PKHD1L1: variants seen among roughly 807,000 people sequenced by gnomAD.
PKHD1L1 encodes fibrocystin-L.
Under a neutral mutation model 462.9 loss-of-function variants are expected in PKHD1L1, and 434 were observed. That is an observed-to-expected ratio of 0.94 (90% CI 0.87 to 1.02). PKHD1L1 has a LOEUF of 1.02. Among genes scored for constraint, PKHD1L1 ranks in the 50% least tolerant of loss-of-function variants. PKHD1L1 has a pLI of 0.00. For synonymous variants in PKHD1L1, 1,781 were observed against 1,750.0 expected, an observed-to-expected ratio of 1.02 and a Z score of -0.44; for missense variants, 5,202 against 5,096.1, an observed-to-expected ratio of 1.02 and a Z score of -0.63.
intron 76 of PKHD1L1, among the ~76,000 whole-genome samples, chr8:109,523,895 C>T (rs574731801): frequency 1.3e-5 from 2 of 152,278 alleles, no homozygotes; most frequent in African/African-American, 4.8e-5. Flanking sequence ...TCTCTGAGAA[C>T]AGAACAAATG....
In PKHD1L1 at chr8:109,443,755, C is replaced by T. The variant is rs201810418; in HGVS notation, c.4644C>T (p.Thr1548=). Residue 1548 remains threonine, a synonymous_variant, in exon 37 of 78, where the codon ACC becomes ACT. Transcript: ENST00000378402. The part of the protein sequence containing the change: ...ATEPLCSLNN[T]RVKNSKRLLF... ...AACCCCTGTGCAGCCTGAACAATAC[C>T]AGGGTTAAAAATTCAAAAAGATTGC... 1.2e-5 allele frequency: 19 copies of T among 1,613,786 alleles called. No homozygotes were observed. The Admixed American group carries it at 3.2e-4, about 27-fold the overall frequency.
intron 67 of PKHD1L1, among the ~76,000 whole-genome samples, chr8:109,502,497 A>G (rs1361696433): frequency 6.6e-6 from 1 of 152,210 alleles, no homozygotes; most frequent in Non-Finnish European, 1.5e-5. Flanking sequence ...CTCTTCCCAC[A>G]TATCTCCAAC....
chr8:109,460,739 G>A (rs1398473494), intron 47 of PKHD1L1, among the ~76,000 whole-genome samples: 1 of 152,180 alleles, frequency 6.6e-6, no homozygotes, highest in East Asian at 1.9e-4. Context: ...AAATGTCAGT[G>A]ATTTAAAATA....
chr8:109,493,819 A>G, intron 63 of PKHD1L1, 68 bp downstream of exon 63: 1 of 1,083,754 alleles, frequency 9.2e-7, no homozygotes, highest in Non-Finnish European at 1.3e-6. Context: ...AAAATAAATA[A>G]TTATTGTTTG....
chr8:109,476,830 G>A (rs537778619), intron 52 of PKHD1L1, among the ~76,000 whole-genome samples, 163 bp downstream of exon 52: 1 of 152,216 alleles, frequency 6.6e-6, no homozygotes, highest in Admixed American at 6.5e-5. Context: ...TCTTGAAAAG[G>A]TTTTGAGTTG....
At chr8:109,410,855 A>G (rs1478141188) in intron 19 of PKHD1L1, among the ~76,000 whole-genome samples, 1 of 149,452 alleles carries the variant, frequency 6.7e-6, no homozygotes, top group African/African-American at 2.5e-5. Flanking sequence ...CAGTCTCCCG[A>G]GTAGCTTGGA....
At chr8:109,471,653 T>C (rs1331885784) in intron 50 of PKHD1L1, among the ~76,000 whole-genome samples, 1 of 152,184 alleles carries the variant, frequency 6.6e-6, no homozygotes, top group Non-Finnish European at 1.5e-5. Flanking sequence ...ATACCGCCCA[T>C]AGTGCTTCAC....
chr8:109,476,583 G>T lies in PKHD1L1; in HGVS notation c.8833G>T (p.Gly2945Cys). The T allele has an allele frequency of 6.4e-7, 1 of 1,569,044 alleles. No homozygotes were observed. The highest frequency in any genetic ancestry group is 8.7e-7 in the Non-Finnish European group (1 of 1,148,770). ...DMFNIIDMRNGSSNPLNWNTS... is the reference protein window; with the variant it reads ...DMFNIIDMRNCSSNPLNWNTS... ...GTTTAATATTATTGATATGAGGAAT[G>T]GTTCCTCAAATCCATTGAATTGGAA... is the stretch of plus-strand genomic sequence containing the variant. Residue 2945 changes from glycine (G) to cysteine (C), a missense_variant, in exon 52 of 78, where the codon GGT becomes TGT. Around this residue, in one of 3 missense-constraint regions of PKHD1L1, gnomAD observed 4,497 missense variants for 4,336.8 expected, o/e 1.04. Transcript: ENST00000378402.
intron 77 of PKHD1L1, among the ~76,000 whole-genome samples, chr8:109,528,834 TTGAAAG>T (rs759344453): frequency 9.9e-5 from 15 of 152,204 alleles, no homozygotes; most frequent in Non-Finnish European, 5.9e-5. Flanking sequence ...ATTTTAAATC[TTGAAAG>T]TGAAAGTTGC....
intron 3 of PKHD1L1, 52 bp from the exon 4 acceptor site, chr8:109,382,410 CA>C: frequency 1.4e-6 from 2 of 1,452,336 alleles, no homozygotes; most frequent in South Asian, 2.6e-5. Context: ...TAATACTATA[CA>C]CTAAATAAGA....
intron 2 of PKHD1L1, among the ~76,000 whole-genome samples, chr8:109,379,087 C>T (rs1811980879): frequency 6.6e-6 from 1 of 152,116 alleles, no homozygotes; most frequent in South Asian, 2.1e-4. Context: ...CCCTTTCACC[C>T]AGACTAAACA....
intron 10 of PKHD1L1, among the ~76,000 whole-genome samples, chr8:109,395,813 T>C (rs1161596049): frequency 1.3e-5 from 2 of 152,306 alleles, no homozygotes; most frequent in East Asian, 3.9e-4. Context: ...TAAAGCCTGG[T>C]CCTCATGGAA....
intron 29 of PKHD1L1, among the ~76,000 whole-genome samples, chr8:109,435,884 T>G (rs546619017): frequency 5.9e-5 from 9 of 152,384 alleles, no homozygotes; most frequent in East Asian, 1.9e-4. Flanking sequence ...GCTTTTATTT[T>G]ACATTATTTC....
chr8:109,393,947 A>G (rs1203883785), intron 9 of PKHD1L1, among the ~76,000 whole-genome samples: 4 of 151,968 alleles, frequency 2.6e-5, no homozygotes, highest in Non-Finnish European at 2.9e-5. Context: ...GAGGCCGAGG[A>G]TGGATCACGA....
In PKHD1L1 at chr8:109,526,831, G is replaced by C. The variant is rs1391844019; in HGVS notation, c.12532G>C (p.Glu4178Gln). Residue 4178 changes from glutamate to glutamine, a missense_variant, in exon 77 of 78, where the codon GAA (glutamate) becomes CAA (glutamine). By Grantham distance (29) the Glu-to-Gln change is conservative. Around this residue, in one of 3 missense-constraint regions of PKHD1L1, gnomAD observed 698 missense variants for 736.3 expected, o/e 0.95. Transcript: ENST00000378402. ...TATACTGGATAATGTTGTTGGGGTA[G>C]AATCCAGAACTTTCAGCCTGCTGGC... is the stretch of plus-strand genomic sequence containing the variant. ...EFILDNVVGV[E>Q]SRTFSLLAES... The C allele has an allele frequency of 1.9e-6, 3 of 1,575,472 alleles. No homozygotes were observed. The East Asian group carries it at 6.9e-5, about 36-fold the overall frequency.
chr8:109,449,484 A>G lies in PKHD1L1; in HGVS notation c.6172A>G (p.Asn2058Asp), dbSNP rs1189935381. The change falls in exon 40 of 78, where the codon AAT becomes GAT. Residue 2058 changes from asparagine to aspartate, a missense_variant. Asn to Asp is a conservative substitution (Grantham distance 23, BLOSUM62 1). This residue lies in a region of PKHD1L1 where 4,497 missense variants were observed against 4,336.8 expected (regional missense o/e 1.04). Transcript: ENST00000378402. The stretch of plus-strand genomic sequence containing the variant: ...ACTATTATGTGAAATTCCATCTAAT[A>G]ATGGTAAGTTGTCAGAAAAAGTAAT... ...TTLLCEIPSN[N>D]GTGAEQACEV... The G allele has an allele frequency of 1.9e-6, 3 of 1,587,962 alleles. No individual in the cohort carries two copies. Among genetic ancestry groups the G allele is most frequent in the South Asian group, 2.3e-5 (2 of 85,300 alleles).
At chr8:109,504,216 G>A in intron 67 of PKHD1L1, 111 bp from the exon 68 acceptor site, 1 of 631,786 alleles carries the variant, frequency 1.6e-6, no homozygotes, top group Non-Finnish European at 2.5e-6. Flanking sequence ...TCAGGCAAGA[G>A]CTCCATGTTT....
chr8:109,409,782 T>C (rs1813740683), intron 18 of PKHD1L1, 83 bp from the exon 19 acceptor site: 2 of 608,486 alleles, frequency 3.3e-6, no homozygotes, highest in South Asian at 7.1e-5. Flanking sequence ...CTATTAAAAC[T>C]AATTAGTAGA....
At chr8:109,396,819 A>G (rs903736799) in intron 11 of PKHD1L1, among the ~76,000 whole-genome samples, 4 of 152,244 alleles carry the variant, frequency 2.6e-5, no homozygotes, top group African/African-American at 9.6e-5. Context: ...ATGCCTGCCC[A>G]TGCAACAAGG....
Sources: gnomAD v4.1 joint callset for allele counts (sites outside exome capture counted in the v4.1 genomes callset) on GRCh38, gnomAD v4.1.1 for gene constraint, gnomAD v4.1.1 regional missense constraint, MANE v1.5 for transcripts, NCBI Gene and HGNC (gene_info 2026-07-23, HGNC 2026-07-21) for gene names.